RFX7: variants seen among roughly 807,000 people sequenced by gnomAD.
The protein encoded by RFX7 is DNA-binding protein RFX7.
In RFX7, 26 loss-of-function variants were observed where a neutral mutation model predicts 111.8. That is an observed-to-expected ratio of 0.23 (90% confidence interval 0.17 to 0.32). RFX7 has a LOEUF of 0.32. RFX7 is among the 10% of genes least tolerant of loss of function. RFX7 has a pLI of 1.00. For missense variants in RFX7, 1,573 were observed against 1,772.9 expected, an observed-to-expected ratio of 0.89 and a Z score of 2.02; for synonymous variants, 624 against 624.4, an observed-to-expected ratio of 1.00 and a Z score of 0.01.
intron 2 of RFX7, among the ~76,000 whole-genome samples, chr15:56,182,445 C>G (rs1034406785): frequency 1.3e-5 from 2 of 152,098 alleles, no homozygotes; most frequent in African/African-American, 4.8e-5. Context: ...TTCTGCCTAG[C>G]CTTATACCCC....
intron 5 of RFX7, among the ~76,000 whole-genome samples, chr15:56,105,891 ATTGT>A (rs1227001791): frequency 3.5e-4 from 54 of 152,350 alleles, no homozygotes; most frequent in African/African-American, 1.1e-3. Flanking sequence ...AATTACAAAA[ATTGT>A]TTGTTAAGAA....
chr15:56,111,089 C>T (rs868493017), intron 5 of RFX7, among the ~76,000 whole-genome samples: 2,402 of 121,032 alleles, frequency 0.02, 14 homozygotes, highest in Non-Finnish European at 0.032. Flanking sequence ...TCTGCCCGGC[C>T]GCCCCTACTG....
chr15:56,244,944 A>G (rs2043811703), upstream of RFX7, among the ~76,000 whole-genome samples: 1 of 152,284 alleles, frequency 6.6e-6, no homozygotes, highest in East Asian at 1.9e-4. Context: ...GTAGAATACA[A>G]CAGCCAAGGC....
rs1025358303 is a variant in RFX7 at position 56,155,314 on chromosome 15, C to T, written c.196-10831G>A. 6.6e-5 allele frequency among the ~76,000 whole-genome samples: 10 copies of T among 152,180 alleles called. No individual in the cohort carries two copies. The South Asian group carries it at 1.2e-3, about 19-fold the overall frequency. On this transcript the variant is annotated intron_variant, in intron 3 of 9. Coordinates refer to ENST00000559447, the MANE Select transcript of RFX7 (RefSeq NM_022841.7). ...ATTCTACAATAAAGGCACATGCACACGTATGTTTATTGCGGCACTATTCAC... is the reference window on the plus strand; with the variant it reads ...ATTCTACAATAAAGGCACATGCACATGTATGTTTATTGCGGCACTATTCAC...
At chr15:56,198,368 T>A (rs1281399333) in intron 2 of RFX7, among the ~76,000 whole-genome samples, 1 of 152,152 alleles carries the variant, frequency 6.6e-6, no homozygotes, top group East Asian at 1.9e-4. Context: ...GCAACGTATG[T>A]CTAGTTCAGT....
intron 2 of RFX7, among the ~76,000 whole-genome samples, chr15:56,220,158 T>C (rs2043408991): frequency 6.6e-6 from 1 of 152,238 alleles, no homozygotes; most frequent in African/African-American, 2.4e-5. Context: ...CATATGCTTG[T>C]TGGCCATGTG....
chr15:56,136,075 A>G (rs375124967), intron 5 of RFX7, among the ~76,000 whole-genome samples: 4 of 151,952 alleles, frequency 2.6e-5, no homozygotes, highest in Admixed American at 6.6e-5. Context: ...GTTCTTTTGG[A>G]TTAGGATTGA....
chr15:56,185,607 C>T (rs2043030319), intron 2 of RFX7, among the ~76,000 whole-genome samples: 1 of 151,606 alleles, frequency 6.6e-6, no homozygotes, highest in Admixed American at 6.6e-5. Context: ...ATAATTTTTA[C>T]ATTTTCTTGG....
rs150827407 is a variant in RFX7, at chr15:56,233,763, T to C, written c.161+9362A>G. Among the ~76,000 whole-genome samples the C allele has an allele frequency of 3.7e-3, 566 of 152,276 alleles. 3 individuals carry two copies. The highest frequency in any genetic ancestry group is 0.013 in the African/African-American group (521 of 41,560). Reference sequence around the variant, plus strand: ...GTGAAAGGCCAAGTTTAAGGTGACATTGGTTGTGGCAACCTGTACTCTGGT... The same window carrying C: ...GTGAAAGGCCAAGTTTAAGGTGACACTGGTTGTGGCAACCTGTACTCTGGT... On this transcript the variant is annotated intron_variant, in intron 2 of 9. Transcript: ENST00000559447.
chr15:56,181,490 T>C (rs1296120971), intron 2 of RFX7, among the ~76,000 whole-genome samples: 1 of 152,184 alleles, frequency 6.6e-6, no homozygotes, highest in Non-Finnish European at 1.5e-5. Context: ...AGCTTCATGA[T>C]AGCAGGCTTT....
chr15:56,244,467 C>A (rs545176658), upstream of RFX7, among the ~76,000 whole-genome samples: 1 of 152,102 alleles, frequency 6.6e-6, no homozygotes, highest in African/African-American at 2.4e-5. Context: ...CGGCCTCCAT[C>A]CCCCTGCAAG....
chr15:56,210,948 G>A lies in RFX7; in HGVS notation c.162-31645C>T, dbSNP rs2043307423. ...TTACTAATGCTGGAAATCAAAGACGGGACATCACTACAGATCCCCTGGCAT... is the reference window on the plus strand; with the variant it reads ...TTACTAATGCTGGAAATCAAAGACGAGACATCACTACAGATCCCCTGGCAT... On this transcript the variant is annotated intron_variant, in intron 2 of 9. Transcript: ENST00000559447. Among the ~76,000 whole-genome samples, 6 of 152,010 alleles carry A rather than the reference G, an allele frequency of 3.9e-5. No homozygotes were observed. In the South Asian group the frequency reaches 1.0e-3, roughly 26 times the overall value.
At chr15:56,170,283 G>A (rs2042831990) in intron 3 of RFX7, among the ~76,000 whole-genome samples, 1 of 152,148 alleles carries the variant, frequency 6.6e-6, no homozygotes, top group South Asian at 2.1e-4. Context: ...ATAAAATTCA[G>A]ACCTGAGAAA....
intron 3 of RFX7, among the ~76,000 whole-genome samples, chr15:56,148,322 A>C (rs1475803912): frequency 2.0e-5 from 3 of 152,248 alleles, no homozygotes; most frequent in Non-Finnish European, 4.4e-5. Context: ...AGATTTATGA[A>C]GACGGTTTTT....
At chr15:56,230,828 C>A (rs778083804) in intron 2 of RFX7, among the ~76,000 whole-genome samples, 1 of 152,198 alleles carries the variant, frequency 6.6e-6, no homozygotes, top group Non-Finnish European at 1.5e-5. Flanking sequence ...GGCGCAGTGG[C>A]TCACGCCTGT....
chr15:56,099,968 A>G (rs2041731138), intron 8 of RFX7, among the ~76,000 whole-genome samples: 1 of 152,122 alleles, frequency 6.6e-6, no homozygotes, highest in Non-Finnish European at 1.5e-5. Flanking sequence ...TCCCCATGAT[A>G]CCTCCTAAAT....
rs773622011 is a variant in RFX7 at position 56,095,138 on chromosome 15, A to G, written c.2590T>C (p.Phe864Leu). The change falls in exon 10 of 10, where the codon TTT (phenylalanine) becomes CTT (leucine). Residue 864 changes from phenylalanine (F) to leucine (L), a missense_variant. By Grantham distance (22) the Phe-to-Leu change is conservative (BLOSUM62 0). Coordinates refer to ENST00000559447, the MANE Select transcript of RFX7 (RefSeq NM_022841.7). ...TTTGTCTGGGAAACAGAAGGCTCAA[A>G]CTCCTTCAGTTCAGATTGCAGAGGT... ...QLPLQSELKE[F>L]EPSVSQTNES... 1 of 1,613,826 alleles carries G rather than the reference A, an allele frequency of 6.2e-7. No individual in the cohort carries two copies. The highest frequency in any genetic ancestry group is 8.5e-7 in the Non-Finnish European group (1 of 1,179,772).
In RFX7 at chr15:56,200,998, A is replaced by C. The variant is rs564307911; in HGVS notation, c.162-21695T>G. On this transcript the variant is annotated intron_variant, in intron 2 of 9. Transcript: ENST00000559447. ...ATTAGGTGCTTAAATGATTATAAAA[A>C]AGAAAACCAAAATGGAAATGGTTTA... Among the ~76,000 whole-genome samples the C allele has an allele frequency of 2.4e-3, 365 of 152,314 alleles. 1 individual carries two copies. Among genetic ancestry groups the C allele is most frequent in the Non-Finnish European group, 3.2e-3 (215 of 68,010 alleles).
intron 2 of RFX7, among the ~76,000 whole-genome samples, chr15:56,214,379 T>C (rs2043342021): frequency 2.0e-5 from 3 of 152,200 alleles, no homozygotes; most frequent in Admixed American, 2.0e-4. Context: ...TCTCCATTTA[T>C]TTATGCCTAC....
Sources: allele counts gnomAD v4.1 joint callset (sites outside exome capture counted in the v4.1 genomes callset), GRCh38; gene constraint gnomAD v4.1.1; transcripts MANE v1.5; gene names NCBI Gene and HGNC (gene_info 2026-07-23, HGNC 2026-07-21).